Variants in RELCH observed in about 807,000 individuals in gnomAD.
RELCH encodes RAB11 binding and LisH domain, coiled-coil and HEAT repeat containing, also known as RAB11-binding protein RELCH.
RELCH carries 41 observed loss-of-function variants against 150.3 expected under a neutral mutation model. That is an observed-to-expected ratio of 0.27 (90% CI 0.21 to 0.35). The LOEUF (loss-of-function observed/expected upper bound fraction) is 0.35. Among genes scored for constraint, RELCH ranks in the 10% least tolerant of loss-of-function variants. The probability of loss-of-function intolerance (pLI) is 1.00; values close to 1 mark genes in which losing one functional copy is unlikely to be tolerated. For synonymous variants in RELCH, 478 were observed against 531.8 expected, an observed-to-expected ratio of 0.90 and a Z score of 1.39; for missense variants, 1,092 against 1,467.8, an observed-to-expected ratio of 0.74 and a Z score of 4.18.
chr18:62,257,838 A>C, intron 13 of RELCH, 110 bp from the exon 14 acceptor site: 1 of 830,090 alleles, frequency 1.2e-6, no homozygotes, highest in South Asian at 2.3e-5. Flanking sequence ...TTTAATAAAA[A>C]TGTTAATACC....
chr18:62,287,439 T>G lies in RELCH; in HGVS notation c.3342T>G (p.Phe1114Leu), dbSNP rs186506974. 5 of 1,601,052 alleles carry G rather than the reference T, an allele frequency of 3.1e-6. No individual in the cohort carries two copies. In the Admixed American group the frequency reaches 8.4e-5, roughly 27 times the overall value. ...GACTGGACATTGCTACGCATCTTTT[T>G]GAAGCCTACAGTGCACTTTCCTGTT... is the stretch of plus-strand genomic sequence containing the variant. Reference protein sequence around the residue: ...SKRLDIATHLFEAYSALSCCF... With the variant: ...SKRLDIATHLLEAYSALSCCF... Residue 1114 changes from phenylalanine (F) to leucine (L), a missense_variant, in exon 26 of 29, where the codon TTT (phenylalanine) becomes TTG (leucine). Phe to Leu is a conservative substitution (Grantham distance 22). This residue lies in a region of RELCH where 707 missense variants were observed against 1,025.4 expected (regional missense o/e 0.69). Coordinates refer to ENST00000644646, the MANE Select transcript of RELCH (RefSeq NM_001346231.2).
At chr18:62,292,295 T>C (rs1014667793) in intron 27 of RELCH, among the ~76,000 whole-genome samples, 1 of 152,192 alleles carries the variant, frequency 6.6e-6, no homozygotes, top group Non-Finnish European at 1.5e-5. Flanking sequence ...GATAGGACTT[T>C]TTTTTAGTTC....
intron 2 of RELCH, among the ~76,000 whole-genome samples, chr18:62,220,216 C>G (rs1374123685): frequency 6.6e-6 from 1 of 152,002 alleles, no homozygotes; most frequent in Non-Finnish European, 1.5e-5. Context: ...CTTTGAAATT[C>G]TACTTAATCC....
intron 1 of RELCH, among the ~76,000 whole-genome samples, chr18:62,204,409 C>T (rs937977987): frequency 6.6e-6 from 1 of 152,182 alleles, no homozygotes; most frequent in African/African-American, 2.4e-5. Context: ...AATCATGGCT[C>T]ATTACAGCCT....
At chr18:62,239,577 T>C (rs889385930) in intron 10 of RELCH, among the ~76,000 whole-genome samples, 22 of 152,210 alleles carry the variant, frequency 1.4e-4, no homozygotes, top group African/African-American at 4.8e-4. Context: ...TTTGGCTTTT[T>C]TTGAAAACTC....
chr18:62,302,902 G>A (rs937957621), intron 28 of RELCH, among the ~76,000 whole-genome samples: 3 of 152,286 alleles, frequency 2.0e-5, no homozygotes, highest in South Asian at 4.1e-4. Context: ...AGGGATATTA[G>A]TTGCAAAGAA....
At chr18:62,224,684 G>C (rs2041100950) in intron 5 of RELCH, among the ~76,000 whole-genome samples, 1 of 151,984 alleles carries the variant, frequency 6.6e-6, no homozygotes, top group Non-Finnish European at 1.5e-5. Context: ...AAATAACTTA[G>C]GAATAAATCT....
chr18:62,213,362 A>C (rs2040284561), intron 2 of RELCH, among the ~76,000 whole-genome samples: 1 of 152,058 alleles, frequency 6.6e-6, no homozygotes, highest in South Asian at 2.1e-4. Flanking sequence ...GTTTATTATT[A>C]TTTTCATTAT....
At chr18:62,300,334 T>A (rs1484377529) in intron 28 of RELCH, 1 of 152,244 alleles carries the variant, frequency 6.6e-6, no homozygotes, top group African/African-American at 2.4e-5. Context: ...ATTCTTACTC[T>A]GCCTGGCTAG....
rs758895209 is a variant in RELCH, at chr18:62,228,268, G to A, written c.1155-37G>A. On this transcript the variant is annotated intron_variant, in intron 7 of 28. Transcript: ENST00000644646. Reference sequence around the variant, plus strand: ...TATGCTAGTTTTCAAAAATACAGTTGTCCTCTGGTGATTTCTCTTAATTTC... The same window carrying A: ...TATGCTAGTTTTCAAAAATACAGTTATCCTCTGGTGATTTCTCTTAATTTC... The A allele has an allele frequency of 1.4e-5, 21 of 1,526,548 alleles. No homozygotes were observed. In the South Asian group the frequency reaches 2.6e-4, roughly 19 times the overall value. 94.6% of individuals were successfully genotyped at this position (1,526,548 alleles called of 1,614,324 possible).
chr18:62,273,903 A>G, intron 20 of RELCH, 77 bp from the exon 21 acceptor site: 1 of 872,774 alleles, frequency 1.1e-6, no homozygotes. Context: ...AACATTTTCT[A>G]ATTATAGATA....
chr18:62,304,437 G>A lies in RELCH; in HGVS notation c.3531-977G>A, dbSNP rs911203868. On this transcript the variant is annotated intron_variant, in intron 28 of 28. Transcript: ENST00000644646. ...GACTACATAGACCCAGGTGTGCTCCGTGGCAGCACACACCTCATGCAGTAG... is the reference window on the plus strand; with the variant it reads ...GACTACATAGACCCAGGTGTGCTCCATGGCAGCACACACCTCATGCAGTAG... Among the ~76,000 whole-genome samples, 17 of 152,286 alleles carry A rather than the reference G, an allele frequency of 1.1e-4. No individual in the cohort carries two copies. The South Asian group carries it at 1.5e-3, about 13-fold the overall frequency.
rs2045966626 is a variant in RELCH at position 62,310,109 on chromosome 18, C to CT, written c.*4578dup. 1.3e-5 allele frequency: 2 copies of CT among 152,012 alleles called. No homozygotes were observed. The highest frequency in any genetic ancestry group is 2.9e-5 in the Non-Finnish European group (2 of 68,012). The allele number at this position is 152,012 out of a possible 1,614,324, so 9.4% of individuals were successfully genotyped here. ...TATAAATATAATAATTTCTCATTGA[C>CT]TTTATGATTTCATAGATGCTTTATC... On this transcript the variant is annotated 3_prime_UTR_variant, in exon 29 of 29. Transcript: ENST00000644646.
chr18:62,303,806 C>G (rs1428270427), intron 28 of RELCH, among the ~76,000 whole-genome samples: 3 of 152,202 alleles, frequency 2.0e-5, no homozygotes, highest in African/African-American at 7.2e-5. Context: ...ATGCAAAGCA[C>G]ATTTCATCTT....
In RELCH at chr18:62,306,237, G is replaced by A. The variant is rs2045875511; in HGVS notation, c.*703G>A. 6.6e-6 allele frequency: 1 copy of A among 152,182 alleles called. No homozygotes were observed. Among genetic ancestry groups the A allele is most frequent in the Non-Finnish European group, 1.5e-5 (1 of 68,028 alleles). 9.4% of individuals were successfully genotyped at this position (152,182 alleles called of 1,614,324 possible). On this transcript the variant is annotated 3_prime_UTR_variant, in exon 29 of 29. Coordinates refer to ENST00000644646, the MANE Select transcript of RELCH (RefSeq NM_001346231.2). ...GATGCATATAATGGACTTACCTGAG[G>A]AAAGACAGCACATAGGCATGGGGAG...
At chr18:62,222,278 A>G (rs551481815) in intron 5 of RELCH, among the ~76,000 whole-genome samples, 1 of 152,030 alleles carries the variant, frequency 6.6e-6, no homozygotes, top group East Asian at 1.9e-4. Context: ...ATTAAATGCA[A>G]TAAGTATCTA....
At position 62,305,514 on chromosome 18, in the gene RELCH, G is replaced by T; in HGVS notation, c.3631G>T (p.Val1211Leu). The T allele has an allele frequency of 6.2e-7, 1 of 1,607,872 alleles. No homozygotes were observed. The highest frequency in any genetic ancestry group is 1.1e-5 in the South Asian group (1 of 89,918). The change falls in exon 29 of 29, where the codon GTA becomes TTA. Residue 1211 changes from valine (V) to leucine (L), a missense_variant. Physicochemically the swap from Val to Leu is conservative, Grantham distance 32. This residue lies in a region of RELCH where 707 missense variants were observed against 1,025.4 expected (regional missense o/e 0.69). Transcript: ENST00000644646. The surrounding 1 kb of genome is among the most constrained non-coding windows in gnomAD (Gnocchi z 4.0). ...LTTSGAMLAN[V>L]FQRKK ...AACATCAGGTGCCATGTTGGCCAAT[G>T]TATTTCAGAGAAAGAAGTAGAAGCA...
At chr18:62,202,010 C>T (rs11152337) in intron 1 of RELCH, among the ~76,000 whole-genome samples, 21,449 of 152,106 alleles carry the variant, frequency 0.14, 2,037 homozygotes, top group Non-Finnish European at 0.21. Flanking sequence ...TCAATCTGCA[C>T]GACTGTGTAT....
chr18:62,252,229 GA>G (rs993196226), intron 11 of RELCH, among the ~76,000 whole-genome samples: 1 of 149,314 alleles, frequency 6.7e-6, no homozygotes, highest in Non-Finnish European at 1.5e-5. Context: ...TCTATCTCCT[GA>G]CCTCATGATC....
Sources: gnomAD v4.1 joint callset for allele counts (sites outside exome capture counted in the v4.1 genomes callset) on GRCh38, gnomAD v4.1.1 for gene constraint, gnomAD v4.1.1 regional missense constraint, Gnocchi (gnomAD v3.1) non-coding constraint, MANE v1.5 for transcripts, NCBI Gene and HGNC (gene_info 2026-07-23, HGNC 2026-07-21) for gene names.